DCP2: variants seen among roughly 807,000 people sequenced by gnomAD.
DCP2 encodes m7GpppN-mRNA hydrolase.
Under a neutral mutation model 56.1 loss-of-function variants are expected in DCP2, and 30 were observed. The ratio of observed to expected loss-of-function variants is 0.53; its 90% CI spans 0.40 to 0.73. The LOEUF (loss-of-function observed/expected upper bound fraction) is 0.73, where lower values mean the gene tolerates loss of function less well. Ranked by LOEUF, DCP2 falls within the 30% of genes least tolerant of loss-of-function variation. The probability of loss-of-function intolerance (pLI) is 0.00; values close to 1 mark genes in which losing one functional copy is unlikely to be tolerated. For synonymous variants in DCP2, 197 were observed against 163.3 expected (o/e 1.21, Z -1.57); for missense variants, 533 against 502.7 (o/e 1.06, Z -0.58).
At chr5:113,007,354 AT>A (rs1421328141) in intron 8 of DCP2, among the ~76,000 whole-genome samples, 1 of 151,334 alleles carries the variant, frequency 6.6e-6, no homozygotes, top group Non-Finnish European at 1.5e-5. Context: ...CAGACATGGG[AT>A]AAGGCAAGAG....
intron 1 of DCP2, chr5:112,984,018 AG>A (rs1418520120): frequency 1.6e-4 from 24 of 152,230 alleles, no homozygotes; most frequent in African/African-American, 5.8e-4. Context: ...TGAATTAAGG[AG>A]GATGAAAACA....
At position 113,014,145 on chromosome 5, in the gene DCP2, A is replaced by AT. The variant is rs897426871; in HGVS notation, c.*665dup. The AT allele has an allele frequency of 6.6e-6, 1 of 152,286 alleles. No individual in the cohort carries two copies. The highest frequency in any genetic ancestry group is 2.4e-5 in the African/African-American group (1 of 41,428). The allele number at this position is 152,286 out of a possible 1,614,324, so 9.4% of individuals were successfully genotyped here. A position where few individuals can be genotyped will look rare whatever the true frequency, so the allele number is the denominator to read the frequency against. On this transcript the variant is annotated 3_prime_UTR_variant, in exon 11 of 11. Coordinates refer to ENST00000389063, the MANE Select transcript of DCP2 (RefSeq NM_152624.6). Reference sequence around the variant, plus strand: ...TGAGTGGATGGGAGCTGATGCTGTGATTTTGAGCTGTGGTTACATGCAGTC... The same window carrying AT: ...TGAGTGGATGGGAGCTGATGCTGTGATTTTTGAGCTGTGGTTACATGCAGTC...
intron 1 of DCP2, among the ~76,000 whole-genome samples, chr5:112,980,024 T>C (rs1267756562): frequency 6.6e-6 from 1 of 152,174 alleles, no homozygotes; most frequent in Non-Finnish European, 1.5e-5. Context: ...GGTCTTAAAA[T>C]ATTCTAGTGA....
At chr5:113,001,987 C>T (rs557359269) in intron 7 of DCP2, among the ~76,000 whole-genome samples, 283 of 152,260 alleles carry the variant, frequency 1.9e-3, no homozygotes, top group Non-Finnish European at 3.3e-3. Context: ...TCTCTGTTGT[C>T]ATATCCTACT....
chr5:112,989,177 G>T (rs146847225), intron 2 of DCP2, among the ~76,000 whole-genome samples: 687 of 152,312 alleles, frequency 4.5e-3, no homozygotes, highest in Non-Finnish European at 7.6e-3. Flanking sequence ...ACAGTGTTCA[G>T]TGGGAACAGA....
intron 2 of DCP2, 122 bp downstream of exon 2, chr5:112,986,108 A>C: frequency 1.0e-6 from 1 of 975,250 alleles, no homozygotes; most frequent in Non-Finnish European, 1.4e-6. Context: ...TGATTGCTAA[A>C]ATTTGTCAAA....
chr5:113,007,186 A>G (rs962910635), intron 8 of DCP2, among the ~76,000 whole-genome samples: 15 of 152,308 alleles, frequency 9.8e-5, no homozygotes, highest in African/African-American at 3.4e-4. Flanking sequence ...AAAACTTTGT[A>G]AAAATTAATA....
At chr5:113,000,420 A>ACACACACACCCC (rs112449298) in intron 4 of DCP2, among the ~76,000 whole-genome samples, 43 of 146,762 alleles carry the variant, frequency 2.9e-4, no homozygotes, top group Admixed American at 1.7e-3. Flanking sequence ...ACACACACAC[A>ACACACACACCCC]CACACCCACA....
chr5:113,010,721 G>T (rs757737184), intron 9 of DCP2, 35 bp from the exon 10 acceptor site: 1 of 973,020 alleles, frequency 1.0e-6, no homozygotes, highest in African/African-American at 1.8e-5. Context: ...TGTGTTGTAT[G>T]TGTGTGTGTG....
intron 2 of DCP2, among the ~76,000 whole-genome samples, chr5:112,990,654 C>G (rs1481102738): frequency 1.3e-5 from 2 of 152,242 alleles, no homozygotes; most frequent in South Asian, 2.1e-4. Flanking sequence ...GTTGCCCAGG[C>G]TGGTCTTGAA....
intron 1 of DCP2, among the ~76,000 whole-genome samples, chr5:112,979,506 C>T (rs1433465322): frequency 6.6e-6 from 1 of 152,086 alleles, no homozygotes; most frequent in East Asian, 1.9e-4. Context: ...TTTATGAATT[C>T]AAGCTAGGTG....
In DCP2 at chr5:113,013,523, C is replaced by T; in HGVS notation, c.*39C>T. 2 of 1,606,804 alleles carry T rather than the reference C, an allele frequency of 1.2e-6. No homozygotes were observed. The highest frequency in any genetic ancestry group is 1.7e-6 in the Non-Finnish European group (2 of 1,175,790). On this transcript the variant is annotated 3_prime_UTR_variant, in exon 11 of 11. Coordinates refer to ENST00000389063, the MANE Select transcript of DCP2 (RefSeq NM_152624.6). The stretch of plus-strand genomic sequence containing the variant: ...ATTGTAAATGTCCCAGGATCAGAGA[C>T]CTGTTGAATTTGAGTGGGTGTCTCC...
At chr5:113,004,131 A>C in intron 8 of DCP2, 54 bp downstream of exon 8, 1 of 1,576,554 alleles carries the variant, frequency 6.3e-7, no homozygotes, top group East Asian at 2.2e-5. Context: ...TTGGCTTTGA[A>C]ATTTTTCTCA....
intron 4 of DCP2, among the ~76,000 whole-genome samples, chr5:112,998,229 C>T (rs919171879): frequency 5.9e-5 from 9 of 152,144 alleles, no homozygotes; most frequent in African/African-American, 2.2e-4. Context: ...GCTGTTTTGC[C>T]TCATATTGTA....
intron 1 of DCP2, among the ~76,000 whole-genome samples, chr5:112,977,390 T>A (rs913635661): frequency 6.6e-6 from 1 of 152,144 alleles, no homozygotes; most frequent in Non-Finnish European, 1.5e-5. Context: ...CATTCCCCGA[T>A]TCTGAAGGAA....
intron 1 of DCP2, among the ~76,000 whole-genome samples, chr5:112,982,730 CTT>C (rs893288210): frequency 3.3e-5 from 5 of 152,184 alleles, no homozygotes; most frequent in African/African-American, 7.2e-5. Flanking sequence ...AAGGAATACT[CTT>C]TTAAATTTCT....
At chr5:112,997,975 T>G (rs545697473) in intron 4 of DCP2, among the ~76,000 whole-genome samples, 1 of 152,314 alleles carries the variant, frequency 6.6e-6, no homozygotes, top group African/African-American at 2.4e-5. Flanking sequence ...ATTTGAGAAG[T>G]TGATACTCCT....
chr5:112,989,634 A>AT (rs1308111310), intron 2 of DCP2, among the ~76,000 whole-genome samples: 3 of 152,178 alleles, frequency 2.0e-5, no homozygotes, highest in Non-Finnish European at 4.4e-5. Context: ...AAAAAAACTT[A>AT]TTTTGGGAAA....
intron 1 of DCP2, among the ~76,000 whole-genome samples, chr5:112,979,420 A>T (rs1186151904): frequency 1.3e-5 from 2 of 152,142 alleles, no homozygotes; most frequent in African/African-American, 4.8e-5. Context: ...AGAATTTGGT[A>T]AACTTCTGTA....
Sources: allele counts gnomAD v4.1 joint callset (sites outside exome capture counted in the v4.1 genomes callset), GRCh38; gene constraint gnomAD v4.1.1; transcripts MANE v1.5; gene names NCBI Gene and HGNC (gene_info 2026-07-23, HGNC 2026-07-21).